The following TMEM117 variants were observed in gnomAD, a reference collection of about 807,000 sequenced individuals.
The protein encoded by TMEM117 is transmembrane protein 117.
Under a neutral mutation model 52.4 loss-of-function variants are expected in TMEM117, and 27 were observed. That is an observed-to-expected ratio of 0.51 (90% CI 0.38 to 0.71). The LOEUF (loss-of-function observed/expected upper bound fraction) is 0.71. Ranked by LOEUF, TMEM117 falls within the 30% of genes least tolerant of loss-of-function variation. The pLI is 0.00. For missense variants in TMEM117, 556 were observed against 630.5 expected (o/e 0.88, Z 1.26); for synonymous variants, 215 against 206.3 (o/e 1.04, Z -0.36).
intron 6 of TMEM117, among the ~76,000 whole-genome samples, chr12:44,375,532 G>C (rs1951929438): frequency 6.6e-6 from 1 of 152,086 alleles, no homozygotes; most frequent in South Asian, 2.1e-4. Context: ...AATAGACATG[G>C]AAACCTCTAA....
chr12:44,142,539 G>T (rs971485342), intron 3 of TMEM117, among the ~76,000 whole-genome samples: 1 of 152,022 alleles, frequency 6.6e-6, no homozygotes, highest in African/African-American at 2.4e-5. Flanking sequence ...CATAATTTCA[G>T]TAGATAAATA....
intron 7 of TMEM117, among the ~76,000 whole-genome samples, chr12:44,379,985 G>C (rs1951997718): frequency 6.6e-6 from 1 of 152,184 alleles, no homozygotes. Flanking sequence ...AGAATCTGAT[G>C]CCTGAGGTAT....
At chr12:43,923,299 A>G (rs891418516) in intron 2 of TMEM117, among the ~76,000 whole-genome samples, 1 of 152,180 alleles carries the variant, frequency 6.6e-6, no homozygotes. Flanking sequence ...TTATCCCAAC[A>G]TATTTGTTAA....
At chr12:44,160,429 G>T (rs1948883694) in intron 4 of TMEM117, among the ~76,000 whole-genome samples, 1 of 152,138 alleles carries the variant, frequency 6.6e-6, no homozygotes, top group African/African-American at 2.4e-5. Context: ...CAGCAAGAAT[G>T]CTATTTACTT....
the TMEM117 span, among the ~76,000 whole-genome samples, chr12:43,802,730 CTGAA>C: frequency 1.3e-5 from 2 of 152,032 alleles, no homozygotes; most frequent in Non-Finnish European, 2.9e-5. Context: ...AACAGTTGAA[CTGAA>C]TGGTCAAATA....
Position 43,891,924 on chromosome 12 carries a change from A to AT in TMEM117, c.277+47004dup, listed in dbSNP as rs975298262. On this transcript the variant is annotated intron_variant, in intron 2 of 7. Transcript: ENST00000266534. ...TGGAAAATATACTTTAAAAAAATCC[A>AT]TTTTTTTTGCCTCCACTGCTACACT... Among the ~76,000 whole-genome samples, 39 of 151,728 alleles carry AT rather than the reference A, an allele frequency of 2.6e-4. No homozygotes were observed. In the East Asian group the frequency reaches 3.7e-3, roughly 14 times the overall value.
Position 44,014,435 on chromosome 12 carries a change from G to A in TMEM117, c.410+70093G>A, listed in dbSNP as rs186086294. Among the ~76,000 whole-genome samples the A allele has an allele frequency of 1.5e-3, 226 of 152,206 alleles. 1 individual carries two copies. Among genetic ancestry groups the A allele is most frequent in the African/African-American group, 5.4e-3 (223 of 41,526 alleles). On this transcript the variant is annotated intron_variant, in intron 3 of 7. Coordinates refer to ENST00000266534, the MANE Select transcript of TMEM117 (RefSeq NM_032256.3). ...ACATGAAGTGTCTGCTTCCAGAGAGGATATGAGCCCGAGGTAGAAATAGCT... is the reference window on the plus strand; with the variant it reads ...ACATGAAGTGTCTGCTTCCAGAGAGAATATGAGCCCGAGGTAGAAATAGCT...
intron 4 of TMEM117, among the ~76,000 whole-genome samples, chr12:44,161,621 A>G (rs1948899553): frequency 6.6e-6 from 1 of 152,232 alleles, no homozygotes. Flanking sequence ...AGTAATTATC[A>G]TTCAGTAAGC....
chr12:44,337,679 G>A (rs1002720967), intron 6 of TMEM117, among the ~76,000 whole-genome samples: 5 of 152,152 alleles, frequency 3.3e-5, no homozygotes, highest in Admixed American at 2.6e-4. Context: ...TGATAGAGAT[G>A]AGGATAACCA....
At chr12:44,147,658 G>A (rs890499171) in intron 4 of TMEM117, among the ~76,000 whole-genome samples, 6 of 152,004 alleles carry the variant, frequency 3.9e-5, no homozygotes, top group Admixed American at 1.3e-4. Flanking sequence ...ACTCTGGGCC[G>A]GGCGCGGTGG....
the TMEM117 span, chr12:43,799,381 T>C: frequency 2.2e-3 from 3,332 of 1,531,170 alleles, 48 homozygotes; most frequent in African/African-American, 0.04. Flanking sequence ...TGCAAAGACT[T>C]TGTAGTTGTA....
At chr12:43,803,282 G>A in the TMEM117 span, among the ~76,000 whole-genome samples, 2 of 152,148 alleles carry the variant, frequency 1.3e-5, no homozygotes, top group East Asian at 1.9e-4. Context: ...TGCTATTTAG[G>A]GATACATGTA....
At chr12:44,058,619 T>G (rs776221840) in intron 3 of TMEM117, among the ~76,000 whole-genome samples, 1 of 152,206 alleles carries the variant, frequency 6.6e-6, no homozygotes, top group Non-Finnish European at 1.5e-5. Flanking sequence ...ACAGACATAC[T>G]CATTCTTAAA....
the TMEM117 span, among the ~76,000 whole-genome samples, chr12:43,822,774 G>C: frequency 5.3e-3 from 806 of 152,116 alleles, 17 homozygotes; most frequent in East Asian, 0.059. Flanking sequence ...GTAGCTGCCT[G>C]TATTCCCAGC....
chr12:43,916,753 G>C (rs1944610214), intron 2 of TMEM117, among the ~76,000 whole-genome samples: 1 of 152,108 alleles, frequency 6.6e-6, no homozygotes, highest in African/African-American at 2.4e-5. Flanking sequence ...AAATTAAATG[G>C]CATCTCAAAG....
At chr12:44,154,841 ATACTT>A (rs1356592620) in intron 4 of TMEM117, among the ~76,000 whole-genome samples, 1 of 151,502 alleles carries the variant, frequency 6.6e-6, no homozygotes, top group Non-Finnish European at 1.5e-5. Flanking sequence ...GTACTTCTGC[ATACTT>A]TACTTTCTTA....
Position 43,873,292 on chromosome 12 carries a change from GTGT to G in TMEM117, c.277+28368_277+28370del, listed in dbSNP as rs1215306131. Among the ~76,000 whole-genome samples, 158 of 127,298 alleles carry G rather than the reference GTGT, an allele frequency of 1.2e-3. 1 individual carries two copies. Among genetic ancestry groups the G allele is most frequent in the African/African-American group, 3.6e-3 (137 of 38,218 alleles). The allele number at this position is 127,298 out of a possible 152,430, so 83.5% of individuals were successfully genotyped here. On this transcript the variant is annotated intron_variant, in intron 2 of 7. Coordinates refer to ENST00000266534, the MANE Select transcript of TMEM117 (RefSeq NM_032256.3). ...GTAGAGTATAATTAGGCAAACTTAA[GTGT>G]TGTGCAGCACAGAGATTATTTTAAA...
intron 4 of TMEM117, among the ~76,000 whole-genome samples, chr12:44,201,122 T>C (rs1949490415): frequency 6.6e-6 from 1 of 151,818 alleles, no homozygotes; most frequent in African/African-American, 2.4e-5. Flanking sequence ...TAAAATGAGG[T>C]TTCAAAGCAA....
chr12:43,977,680 A>G (rs868136526), intron 3 of TMEM117, among the ~76,000 whole-genome samples: 7 of 152,146 alleles, frequency 4.6e-5, no homozygotes, highest in African/African-American at 1.4e-4. Flanking sequence ...TAAGAGTGGA[A>G]TGGACACATT....
Sources: gnomAD v4.1 joint callset for allele counts (sites outside exome capture counted in the v4.1 genomes callset) on GRCh38, gnomAD v4.1.1 for gene constraint, MANE v1.5 for transcripts, NCBI Gene and HGNC (gene_info 2026-07-23, HGNC 2026-07-21) for gene names.